The following ATP8A1 variants were observed in gnomAD, a reference collection of about 807,000 sequenced individuals.
ATP8A1 encodes the protein phospholipid-transporting ATPase IA.
Under a neutral mutation model 177.7 loss-of-function variants are expected in ATP8A1, and 90 were observed. The observed-to-expected ratio is 0.51, with a 90% CI of 0.43 to 0.60. The LOEUF (loss-of-function observed/expected upper bound fraction) is 0.60. Ranked by LOEUF, ATP8A1 falls within the 20% of genes least tolerant of loss-of-function variation. The probability of loss-of-function intolerance (pLI) is 0.00; values close to 1 mark genes in which losing one functional copy is unlikely to be tolerated. For synonymous variants in ATP8A1, 493 were observed against 485.9 expected, an observed-to-expected ratio of 1.01 and a Z score of -0.19; for missense variants, 1,072 against 1,392.8, an observed-to-expected ratio of 0.77 and a Z score of 3.67.
chr4:42,441,272 G>A (rs529775762), intron 33 of ATP8A1, among the ~76,000 whole-genome samples: 9 of 152,040 alleles, frequency 5.9e-5, no homozygotes, highest in African/African-American at 1.2e-4. Flanking sequence ...TAAGCTTTAA[G>A]ACAGTTGGCC....
chr4:42,494,161 A>C (rs13143289), intron 24 of ATP8A1, among the ~76,000 whole-genome samples: 3 of 98,270 alleles, frequency 3.1e-5, no homozygotes, highest in African/African-American at 1.1e-4. Flanking sequence ...AGATCATGCC[A>C]CAAAAAAAAA....
chr4:42,626,125 A>G (rs1738046129), intron 2 of ATP8A1: 1 of 152,914 alleles, frequency 6.5e-6, no homozygotes. Flanking sequence ...CTGTAAACAG[A>G]GATGCCTTTC....
At chr4:42,573,924 GA>G (rs1460492911) in intron 14 of ATP8A1, among the ~76,000 whole-genome samples, 3 of 152,148 alleles carry the variant, frequency 2.0e-5, no homozygotes, top group Non-Finnish European at 4.4e-5. Flanking sequence ...AACCAGCCAG[GA>G]GAGTGTTTCA....
intron 18 of ATP8A1, 23 bp downstream of exon 18, chr4:42,551,175 A>T (rs1280498225): frequency 6.3e-7 from 1 of 1,583,034 alleles, no homozygotes; most frequent in Non-Finnish European, 8.7e-7. Flanking sequence ...GATTAAAAAG[A>T]ACCTTAAAAA....
intron 30 of ATP8A1, among the ~76,000 whole-genome samples, chr4:42,451,695 C>T (rs1172329233): frequency 6.6e-6 from 1 of 152,122 alleles, no homozygotes; most frequent in African/African-American, 2.4e-5. Flanking sequence ...TTATTGTCCT[C>T]AAACTATACA....
intron 22 of ATP8A1, among the ~76,000 whole-genome samples, chr4:42,512,705 C>T (rs1725130318): frequency 6.6e-6 from 1 of 152,162 alleles, no homozygotes; most frequent in Admixed American, 6.5e-5. Context: ...CTAGATGGTG[C>T]TTTTCAAACT....
rs548147763 is a variant in ATP8A1, at chr4:42,636,007, C to A, written c.50-8898G>T. 6.9e-4 allele frequency among the ~76,000 whole-genome samples: 105 copies of A among 151,210 alleles called. 1 individual carries two copies. Among genetic ancestry groups the A allele is most frequent in the African/African-American group, 2.3e-3 (93 of 41,264 alleles). The stretch of plus-strand genomic sequence containing the variant: ...GGCAAATTGACTGTGATTGGCTTAG[C>A]ATGGGCCATGTGCTTACTTTTAAGT... On this transcript the variant is annotated intron_variant, in intron 1 of 36. Coordinates refer to ENST00000381668, the MANE Select transcript of ATP8A1 (RefSeq NM_006095.2).
chr4:42,515,956 A>G (rs2153196699), intron 22 of ATP8A1, among the ~76,000 whole-genome samples: 1 of 152,302 alleles, frequency 6.6e-6, no homozygotes, highest in South Asian at 2.1e-4. Flanking sequence ...CCCTAAATTA[A>G]TCCTTAGTGA....
At chr4:42,443,495 C>T (rs1273799712) in intron 33 of ATP8A1, 70 bp downstream of exon 33, 8 of 700,556 alleles carry the variant, frequency 1.1e-5, no homozygotes, top group Admixed American at 4.4e-5. Flanking sequence ...TTATGCTAAA[C>T]GATTAAGGTT....
chr4:42,521,945 G>A (rs1272555071), intron 22 of ATP8A1, among the ~76,000 whole-genome samples: 3 of 152,166 alleles, frequency 2.0e-5, no homozygotes, highest in Admixed American at 6.5e-5. Context: ...TGTGAAAAGA[G>A]TGAAGATCTA....
intron 19 of ATP8A1, among the ~76,000 whole-genome samples, chr4:42,545,304 C>T (rs146436511): frequency 7.2e-5 from 11 of 152,144 alleles, no homozygotes; most frequent in Admixed American, 1.3e-4. Flanking sequence ...ATACATTCTA[C>T]GTTAGCCCTT....
chr4:42,446,534 T>A, intron 31 of ATP8A1, 49 bp downstream of exon 31: 1 of 1,549,504 alleles, frequency 6.5e-7, no homozygotes, highest in South Asian at 1.1e-5. Context: ...TGAGGACAGA[T>A]GAAAGGTTTT....
At chr4:42,641,899 A>G (rs1006466530) in intron 1 of ATP8A1, among the ~76,000 whole-genome samples, 2 of 152,200 alleles carry the variant, frequency 1.3e-5, no homozygotes, top group Non-Finnish European at 2.9e-5. Flanking sequence ...ATGCTGCTAC[A>G]TTAATCTCAG....
chr4:42,506,587 G>A (rs1288233900), intron 23 of ATP8A1, among the ~76,000 whole-genome samples: 6 of 152,156 alleles, frequency 3.9e-5, no homozygotes, highest in Admixed American at 6.5e-5. Context: ...GAGGACAGCC[G>A]ATCTTGAACT....
At position 42,617,214 on chromosome 4, in the gene ATP8A1, C is replaced by A. The variant is rs528656103; in HGVS notation, c.364-1136G>T. 2.6e-5 allele frequency among the ~76,000 whole-genome samples: 4 copies of A among 152,286 alleles called. No homozygotes were observed. In the South Asian group the frequency reaches 8.3e-4, roughly 32 times the overall value. On this transcript the variant is annotated intron_variant, in intron 4 of 36. Transcript: ENST00000381668. ...AACACCCAAGAGGAATAGATAAGAG[C>A]TGGCAGCATACACTCAGTCTGTGGA...
chr4:42,645,372 G>A (rs1740426163), intron 1 of ATP8A1, among the ~76,000 whole-genome samples: 1 of 152,100 alleles, frequency 6.6e-6, no homozygotes, highest in South Asian at 2.1e-4. Flanking sequence ...AATACTCTTG[G>A]TTTCTTGGCT....
At position 42,575,685 on chromosome 4, in the gene ATP8A1, G is replaced by A. The variant is rs1003973718; in HGVS notation, c.1143C>T (p.His381=). 9.3e-6 allele frequency: 15 copies of A among 1,613,156 alleles called. 1 individual carries two copies. The highest frequency in any genetic ancestry group is 1.3e-5 in the Non-Finnish European group (15 of 1,179,458). ...AYFINWDLDM[H]YEPTDTAAMA... ...TAGCAGCAGTGTCTGTGGGTTCATA[G>A]TGCATGTCAAGATCCTTTAATAAAA... Residue 381 remains histidine, a synonymous_variant, in exon 13 of 37, where the codon CAC becomes CAT. Transcript: ENST00000381668.
intron 15 of ATP8A1, among the ~76,000 whole-genome samples, chr4:42,558,541 A>G (rs891630828): frequency 6.6e-6 from 1 of 152,248 alleles, no homozygotes; most frequent in African/African-American, 2.4e-5. Flanking sequence ...AAGAATCTCT[A>G]TAGCAATAAA....
At chr4:42,651,525 T>C (rs2109585736) in intron 1 of ATP8A1, among the ~76,000 whole-genome samples, 1 of 152,300 alleles carries the variant, frequency 6.6e-6, no homozygotes, top group East Asian at 1.9e-4. Flanking sequence ...AATGCACTGC[T>C]CAATAACCAT....
Sources: gnomAD v4.1 joint callset for allele counts (sites outside exome capture counted in the v4.1 genomes callset) on GRCh38, gnomAD v4.1.1 for gene constraint, MANE v1.5 for transcripts, NCBI Gene and HGNC (gene_info 2026-07-23, HGNC 2026-07-21) for gene names.